Variants in TAFA1 observed in about 807,000 individuals in gnomAD.
TAFA1 encodes chemokine-like protein TAFA-1.
TAFA1 carries 4 observed loss-of-function variants against 18.5 expected under a neutral mutation model. That is an observed-to-expected ratio of 0.22 (90% confidence interval 0.11 to 0.49). The LOEUF is 0.49. TAFA1 is among the 20% of genes least tolerant of loss of function. TAFA1 has a pLI of 0.98. For missense variants in TAFA1, 147 were observed against 169.0 expected, an observed-to-expected ratio of 0.87 and a Z score of 0.72; for synonymous variants, 56 against 55.2, an observed-to-expected ratio of 1.01 and a Z score of -0.06.
chr3:68,511,793 T>C (rs1376167446), intron 3 of TAFA1, among the ~76,000 whole-genome samples: 1 of 152,006 alleles, frequency 6.6e-6, no homozygotes, highest in Non-Finnish European at 1.5e-5. Context: ...TAAAATCAAA[T>C]ATGTTATTTT....
chr3:68,421,170 A>G (rs562820821), intron 3 of TAFA1, among the ~76,000 whole-genome samples: 2 of 152,202 alleles, frequency 1.3e-5, no homozygotes, highest in African/African-American at 4.8e-5. Flanking sequence ...GTTAAGCCAC[A>G]TAACAGTAAT....
At chr3:68,439,505 G>A (rs775228289) in intron 3 of TAFA1, among the ~76,000 whole-genome samples, 25 of 145,530 alleles carry the variant, frequency 1.7e-4, no homozygotes, top group Non-Finnish European at 3.6e-4. Context: ...CCATCTGCAG[G>A]CCGAGGAGCT....
At chr3:68,498,596 A>G (rs1309849238) in intron 3 of TAFA1, among the ~76,000 whole-genome samples, 2 of 152,072 alleles carry the variant, frequency 1.3e-5, no homozygotes, top group Non-Finnish European at 2.9e-5. Context: ...AGAGCCCAAG[A>G]TGTCACTGAA....
intron 3 of TAFA1, among the ~76,000 whole-genome samples, chr3:68,461,151 G>A (rs34355220): frequency 0.14 from 21,980 of 151,636 alleles, 1,769 homozygotes; most frequent in Non-Finnish European, 0.17. Context: ...GCGTTGTGAT[G>A]CATGTTTGTA....
rs1435484358 is a variant in TAFA1, at chr3:68,248,393, T to TCA, written c.119-168887_119-168886insCA. On this transcript the variant is annotated intron_variant, in intron 2 of 4. Coordinates refer to ENST00000478136, the MANE Select transcript of TAFA1 (RefSeq NM_213609.4). The stretch of plus-strand genomic sequence containing the variant: ...TGTAGATCATTAGTGGGGAAAAGAC[T>TCA]TCAATTTGCCTTAGGCTTGATGTTT... Among the ~76,000 whole-genome samples, 1,251 of 152,222 alleles carry TCA rather than the reference T, an allele frequency of 8.2e-3. 23 individuals are homozygous for TCA. Among genetic ancestry groups the TCA allele is most frequent in the African/African-American group, 0.028 (1,167 of 41,532 alleles).
chr3:68,457,275 G>C (rs987010879), intron 3 of TAFA1, among the ~76,000 whole-genome samples: 5 of 152,180 alleles, frequency 3.3e-5, no homozygotes, highest in Admixed American at 6.5e-5. Context: ...TGGCCTGTAA[G>C]TGTGTGTGTA....
At chr3:68,365,904 G>A (rs953460990) in intron 2 of TAFA1, among the ~76,000 whole-genome samples, 2 of 152,014 alleles carry the variant, frequency 1.3e-5, no homozygotes, top group Admixed American at 1.3e-4. Flanking sequence ...AGCCAACATA[G>A]TGAAACTGTG....
intron 2 of TAFA1, among the ~76,000 whole-genome samples, chr3:68,386,653 C>G (rs1238482570): frequency 6.6e-6 from 1 of 152,114 alleles, no homozygotes; most frequent in Non-Finnish European, 1.5e-5. Context: ...ACCAAGAATG[C>G]TGGCTCCAGA....
At chr3:68,175,589 C>T (rs1212458279) in intron 2 of TAFA1, among the ~76,000 whole-genome samples, 1 of 152,180 alleles carries the variant, frequency 6.6e-6, no homozygotes, top group African/African-American at 2.4e-5. Flanking sequence ...TTCGGCCAAT[C>T]TCTCCCGTTT....
chr3:68,110,140 C>T (rs1165814731), intron 2 of TAFA1, among the ~76,000 whole-genome samples: 1 of 152,116 alleles, frequency 6.6e-6, no homozygotes, highest in Non-Finnish European at 1.5e-5. Flanking sequence ...ACTCCTCCCT[C>T]CAACAGGCTC....
intron 2 of TAFA1, among the ~76,000 whole-genome samples, chr3:68,317,737 GA>G (rs767927175): frequency 6.6e-6 from 1 of 152,188 alleles, no homozygotes; most frequent in African/African-American, 2.4e-5. Flanking sequence ...AAGTAGGGGG[GA>G]AAGTACAATT....
intron 2 of TAFA1, among the ~76,000 whole-genome samples, chr3:68,255,205 G>A (rs2067274450): frequency 6.6e-6 from 1 of 152,096 alleles, no homozygotes; most frequent in East Asian, 1.9e-4. Context: ...AATGTGAATG[G>A]ATAGAGAAGG....
At chr3:68,193,162 T>C (rs977753051) in intron 2 of TAFA1, among the ~76,000 whole-genome samples, 2 of 151,854 alleles carry the variant, frequency 1.3e-5, no homozygotes, top group East Asian at 3.9e-4. Context: ...CAAAGTAAGT[T>C]GGGATAGCAG....
intron 2 of TAFA1, among the ~76,000 whole-genome samples, chr3:68,130,356 G>A (rs2065521601): frequency 6.6e-6 from 1 of 152,152 alleles, no homozygotes; most frequent in South Asian, 2.1e-4. Context: ...TGGGTAAAAG[G>A]CAAATGTGGT....
At chr3:68,250,185 G>C (rs890697357) in intron 2 of TAFA1, among the ~76,000 whole-genome samples, 1 of 152,078 alleles carries the variant, frequency 6.6e-6, no homozygotes, top group Non-Finnish European at 1.5e-5. Flanking sequence ...TGTACTAACT[G>C]TGGAACCCTG....
chr3:68,034,111 C>A lies in TAFA1; in HGVS notation c.118+27367C>A, dbSNP rs139202664. 3.7e-3 allele frequency among the ~76,000 whole-genome samples: 559 copies of A among 152,234 alleles called. 3 individuals are homozygous for A. The highest frequency in any genetic ancestry group is 0.012 in the African/African-American group (510 of 41,528). On this transcript the variant is annotated intron_variant, in intron 2 of 4. Coordinates refer to ENST00000478136, the MANE Select transcript of TAFA1 (RefSeq NM_213609.4). The stretch of plus-strand genomic sequence containing the variant: ...AAAATTGCCTACTTGCTACCCATAA[C>A]CACCTCCAGTGTCCATGACCTAAAT...
At chr3:68,126,157 A>T (rs1424705751) in intron 2 of TAFA1, among the ~76,000 whole-genome samples, 1 of 152,106 alleles carries the variant, frequency 6.6e-6, no homozygotes, top group Non-Finnish European at 1.5e-5. Context: ...ACTGCTCCAA[A>T]ACCCTACTGA....
intron 2 of TAFA1, among the ~76,000 whole-genome samples, chr3:68,033,783 AT>A (rs1704988288): frequency 6.6e-6 from 1 of 152,232 alleles, no homozygotes; most frequent in African/African-American, 2.4e-5. Context: ...ATTAGAGGAC[AT>A]CATTATCTGC....
chr3:68,051,859 T>G (rs922124412), intron 2 of TAFA1, among the ~76,000 whole-genome samples: 1 of 152,124 alleles, frequency 6.6e-6, no homozygotes, highest in Non-Finnish European at 1.5e-5. Context: ...ACTACATAAT[T>G]AATTTTCTTC....
Sources: allele counts gnomAD v4.1 joint callset (sites outside exome capture counted in the v4.1 genomes callset), GRCh38; gene constraint gnomAD v4.1.1; transcripts MANE v1.5; gene names NCBI Gene and HGNC (gene_info 2026-07-23, HGNC 2026-07-21).